ARHGEF17: variants seen among roughly 807,000 people sequenced by gnomAD.
The protein encoded by ARHGEF17 is 164 kDa Rho-specific guanine-nucleotide exchange factor.
In ARHGEF17, 80 loss-of-function variants were observed where a neutral mutation model predicts 174.0. The ratio of observed to expected loss-of-function variants is 0.46; its 90% confidence interval spans 0.38 to 0.55. ARHGEF17 has a LOEUF of 0.55. ARHGEF17 is among the 20% of genes least tolerant of loss of function. The pLI, the probability that ARHGEF17 is intolerant of heterozygous loss-of-function variation, is 0.00. For synonymous variants in ARHGEF17, 1,311 were observed against 1,189.1 expected, an observed-to-expected ratio of 1.10 and a Z score of -2.11; for missense variants, 2,886 against 2,839.7, an observed-to-expected ratio of 1.02 and a Z score of -0.37.
chr11:73,362,539 G>A lies in ARHGEF17; in HGVS notation c.4801G>A (p.Glu1601Lys), dbSNP rs772366324. 5.6e-6 allele frequency: 9 copies of A among 1,607,146 alleles called. No individual in the cohort carries two copies. The highest frequency in any genetic ancestry group is 5.3e-5 in the African/African-American group (4 of 74,896). Reference protein sequence around the residue: ...AADEEAATLAEPGPQPCLHIS... With the variant: ...AADEEAATLAKPGPQPCLHIS... ...AGACGAGGAAGCCGCGACGCTCGCG[G>A]AGCCGGGGCCGCAGCCCTGCCTTCA... The change falls in exon 14 of 21, where the codon GAG becomes AAG. Residue 1601 changes from glutamate to lysine, a missense_variant. By Grantham distance (56) the Glu-to-Lys change is moderately conservative (BLOSUM62 1). Around this residue, in one of 4 missense-constraint regions of ARHGEF17, gnomAD observed 476 missense variants for 473.1 expected, o/e 1.01. Transcript: ENST00000263674.
At chr11:73,323,869 C>T (rs189789532) in intron 1 of ARHGEF17, among the ~76,000 whole-genome samples, 165 of 152,344 alleles carry the variant, frequency 1.1e-3, no homozygotes, top group African/African-American at 3.8e-3. Flanking sequence ...CTGCTGGTCC[C>T]CTGGGCATCT....
intron 3 of ARHGEF17, among the ~76,000 whole-genome samples, chr11:73,354,167 A>G (rs1428596378): frequency 1.3e-5 from 2 of 152,252 alleles, no homozygotes; most frequent in Non-Finnish European, 2.9e-5. Flanking sequence ...GGGACCAGAC[A>G]GGGGTGATGG....
intron 1 of ARHGEF17, among the ~76,000 whole-genome samples, chr11:73,323,781 G>C (rs575166492): frequency 6.6e-6 from 1 of 151,756 alleles, no homozygotes; most frequent in South Asian, 2.1e-4. Flanking sequence ...CCCAAGGCTG[G>C]TGGAGGAATA....
chr11:73,326,918 G>A (rs749486339), intron 1 of ARHGEF17, among the ~76,000 whole-genome samples: 12 of 152,146 alleles, frequency 7.9e-5, no homozygotes, highest in Admixed American at 5.2e-4. Context: ...AATCTCTGTT[G>A]TGGAAAGAGG....
chr11:73,311,359 C>T lies in ARHGEF17; in HGVS notation c.2721C>T (p.Pro907=), dbSNP rs781215981. ...CCCACCGAAACTTTCACCTTGACCC[C>T]AAGCTGGCTGACATTCTGTCCCCGA... ...ATAHRNFHLD[P]KLADILSPRL... is the part of the protein sequence containing the mutation. The change falls in exon 1 of 21, where the codon CCC becomes CCT. Residue 907 remains proline (P), a synonymous_variant. Coordinates refer to ENST00000263674, the MANE Select transcript of ARHGEF17 (RefSeq NM_014786.4). 2.5e-6 allele frequency: 4 copies of T among 1,613,372 alleles called. No individual in the cohort carries two copies. In the South Asian group the frequency reaches 4.4e-5, roughly 18 times the overall value.
Position 73,363,392 on chromosome 11 carries a change from A to C in ARHGEF17, c.5183A>C (p.Asp1728Ala). ...HGSFTRGSLE[D>A]LLSVDPEAYQ... ...TCCTTCACCCGGGGCAGCCTTGAGG[A>C]CCTGCTGAGTGTCGACCCTGAGGCC... is the stretch of plus-strand genomic sequence containing the variant. The change falls in exon 15 of 21, where the codon GAC becomes GCC. Residue 1728 changes from aspartate to alanine, a missense_variant. By Grantham distance (126) the Asp-to-Ala change is moderately radical. Around this residue, in one of 4 missense-constraint regions of ARHGEF17, gnomAD observed 476 missense variants for 473.1 expected, o/e 1.01. Transcript: ENST00000263674. 1 of 1,613,150 alleles carries C rather than the reference A, an allele frequency of 6.2e-7. No individual in the cohort carries two copies. The highest frequency in any genetic ancestry group is 8.5e-7 in the Non-Finnish European group (1 of 1,179,848).
At chr11:73,366,420 T>G (rs1042323689) in intron 20 of ARHGEF17, among the ~76,000 whole-genome samples, 1 of 152,072 alleles carries the variant, frequency 6.6e-6, no homozygotes, top group South Asian at 2.1e-4. Context: ...GAAAATGGAC[T>G]GATAATTAGA....
Position 73,309,656 on chromosome 11 carries a change from G to C in ARHGEF17, c.1018G>C (p.Gly340Arg). Residue 340 changes from glycine (G) to arginine (R), a missense_variant, in exon 1 of 21, where the codon GGA becomes CGA. Gly to Arg is a moderately radical substitution (Grantham distance 125). Coordinates refer to ENST00000263674, the MANE Select transcript of ARHGEF17 (RefSeq NM_014786.4). ...PTSPRAPREE[G>R]LREWGSGSPP... ...ATCTCCAAGAGCCCCTAGAGAAGAAGGACTCCGGGAGTGGGGTAGTGGCTC... is the reference window on the plus strand; with the variant it reads ...ATCTCCAAGAGCCCCTAGAGAAGAACGACTCCGGGAGTGGGGTAGTGGCTC... 9 of 1,613,130 alleles carry C rather than the reference G, an allele frequency of 5.6e-6. No homozygotes were observed. The highest frequency in any genetic ancestry group is 7.6e-6 in the Non-Finnish European group (9 of 1,180,032).
In ARHGEF17 at chr11:73,309,759, A is replaced by C. The variant is rs779384507; in HGVS notation, c.1121A>C (p.Lys374Thr). 3 of 1,612,888 alleles carry C rather than the reference A, an allele frequency of 1.9e-6. No homozygotes were observed. Among genetic ancestry groups the C allele is most frequent in the Non-Finnish European group, 2.5e-6 (3 of 1,179,882 alleles). The change falls in exon 1 of 21, where the codon AAG becomes ACG. Residue 374 changes from lysine (K) to threonine (T), a missense_variant. Physicochemically the swap from Lys to Thr is moderately conservative, Grantham distance 78. Transcript: ENST00000263674. Reference sequence around the variant, plus strand: ...GTGGGAGGAGCTTTCCGTGTGGCCAAGGTGAGCTTTCCCTCGTACCTGGCC... The same window carrying C: ...GTGGGAGGAGCTTTCCGTGTGGCCACGGTGAGCTTTCCCTCGTACCTGGCC... ...DSVGGAFRVA[K>T]VSFPSYLASP...
chr11:73,334,384 G>T (rs1387789109), intron 1 of ARHGEF17, among the ~76,000 whole-genome samples: 1 of 152,174 alleles, frequency 6.6e-6, no homozygotes, highest in African/African-American at 2.4e-5. Context: ...ATGGAGAGGT[G>T]GGGAGGAGAC....
At position 73,362,155 on chromosome 11, in the gene ARHGEF17, C is replaced by A; in HGVS notation, c.4610C>A (p.Pro1537Gln). ...TGCCTGCTGAGCCTGCGCGCCGAGC[C>A]GGACGTGGAGGCCTGCATCGCCGTC... ...QVCLLSLRAE[P>Q]DVEACIAVCS... The change falls in exon 13 of 21, where the codon CCG becomes CAG. Residue 1537 changes from proline to glutamine, a missense_variant. Around this residue, in one of 4 missense-constraint regions of ARHGEF17, gnomAD observed 476 missense variants for 473.1 expected, o/e 1.01. Coordinates refer to ENST00000263674, the MANE Select transcript of ARHGEF17 (RefSeq NM_014786.4). 3 of 1,605,244 alleles carry A rather than the reference C, an allele frequency of 1.9e-6. No homozygotes were observed. Among genetic ancestry groups the A allele is most frequent in the Non-Finnish European group, 2.5e-6 (3 of 1,177,634 alleles).
chr11:73,362,133 C>T lies in ARHGEF17; in HGVS notation c.4588C>T (p.Leu1530=). 1 of 1,611,132 alleles carries T rather than the reference C, an allele frequency of 6.2e-7. No individual in the cohort carries two copies. Among genetic ancestry groups the T allele is most frequent in the Non-Finnish European group, 8.5e-7 (1 of 1,179,522 alleles). Residue 1530 remains leucine, a synonymous_variant, in exon 13 of 21, where the codon CTG becomes TTG. Coordinates refer to ENST00000263674, the MANE Select transcript of ARHGEF17 (RefSeq NM_014786.4). The part of the protein sequence containing the change: ...NSDGYVGQVC[L]LSLRAEPDVE... Reference sequence around the variant, plus strand: ...CGACGGCTACGTGGGCCAGGTGTGCCTGCTGAGCCTGCGCGCCGAGCCGGA... The same window carrying T: ...CGACGGCTACGTGGGCCAGGTGTGCTTGCTGAGCCTGCGCGCCGAGCCGGA...
In ARHGEF17 at chr11:73,311,243, C is replaced by T; in HGVS notation, c.2605C>T (p.Gln869Ter). 1 of 1,611,424 alleles carries T rather than the reference C, an allele frequency of 6.2e-7. No individual in the cohort carries two copies. Among genetic ancestry groups the T allele is most frequent in the Non-Finnish European group, 8.5e-7 (1 of 1,178,730 alleles). The change falls in exon 1 of 21, where the codon CAG becomes TAG. Residue 869 changes from glutamine to a stop codon, truncating the protein, a stop_gained. Coordinates refer to ENST00000263674, the MANE Select transcript of ARHGEF17 (RefSeq NM_014786.4). LOFTEE classifies it high-confidence loss of function. ...CAGCAGCGAGCCCATCCTTGTAGAGCAGCGGGCAGAGCCAGAAGAACCTGG... is the reference window on the plus strand; with the variant it reads ...CAGCAGCGAGCCCATCCTTGTAGAGTAGCGGGCAGAGCCAGAAGAACCTGG... Reference protein sequence around the residue: ...PSSSEPILVEQRAEPEEPGAT... With the variant: ...PSSSEPILVE
chr11:73,366,719 G>C (rs1236851403), intron 20 of ARHGEF17, among the ~76,000 whole-genome samples: 1 of 152,088 alleles, frequency 6.6e-6, no homozygotes, highest in Non-Finnish European at 1.5e-5. Flanking sequence ...CTGGGTGACA[G>C]AGTGATACCC....
chr11:73,338,070 A>C (rs949901318), intron 1 of ARHGEF17, among the ~76,000 whole-genome samples: 2 of 152,136 alleles, frequency 1.3e-5, no homozygotes, highest in African/African-American at 2.4e-5. Flanking sequence ...CTTCCCTTCT[A>C]GCTGCCTCAG....
chr11:73,311,217 C>A lies in ARHGEF17; in HGVS notation c.2579C>A (p.Ser860Tyr). 6.2e-7 allele frequency: 1 copy of A among 1,605,274 alleles called. No homozygotes were observed. Among genetic ancestry groups the A allele is most frequent in the Non-Finnish European group, 8.5e-7 (1 of 1,174,180 alleles). Residue 860 changes from serine to tyrosine, a missense_variant, in exon 1 of 21, where the codon TCC becomes TAC. Transcript: ENST00000263674. Reference protein sequence around the residue: ...IREVEPMLPPSSSEPILVEQR... With the variant: ...IREVEPMLPPYSSEPILVEQR... The stretch of plus-strand genomic sequence containing the variant: ...GAAGTTGAGCCCATGCTGCCTCCAT[C>A]CAGCAGCGAGCCCATCCTTGTAGAG...
At chr11:73,353,222 C>T in intron 3 of ARHGEF17, 1 of 645,226 alleles carries the variant, frequency 1.5e-6, no homozygotes. Flanking sequence ...CTTGGCCAGA[C>T]TCTGGCACGG....
chr11:73,364,738 G>C, intron 18 of ARHGEF17, 138 bp downstream of exon 18: 1 of 1,130,682 alleles, frequency 8.8e-7, no homozygotes, highest in Non-Finnish European at 1.2e-6. Context: ...GAGTGACGCT[G>C]GCCAGTCCCT....
intron 1 of ARHGEF17, among the ~76,000 whole-genome samples, chr11:73,330,119 C>A (rs1865182078): frequency 6.6e-6 from 1 of 152,100 alleles, no homozygotes; most frequent in Non-Finnish European, 1.5e-5. Context: ...GGTTGTTGGC[C>A]TTTTGTTTTT....
Sources: gnomAD v4.1 joint callset for allele counts (sites outside exome capture counted in the v4.1 genomes callset) on GRCh38, gnomAD v4.1.1 for gene constraint, gnomAD v4.1.1 regional missense constraint, MANE v1.5 for transcripts, NCBI Gene and HGNC (gene_info 2026-07-23, HGNC 2026-07-21) for gene names.